Variants in ADAMTS7 observed in about 807,000 individuals in gnomAD.
ADAMTS7 encodes the protein A disintegrin and metalloproteinase with thrombospondin motifs 7.
Under a neutral mutation model 172.6 loss-of-function variants are expected in ADAMTS7, and 89 were observed. The observed-to-expected ratio is 0.52, with a 90% CI of 0.43 to 0.61. The LOEUF is 0.61. Among genes scored for constraint, ADAMTS7 ranks in the 20% least tolerant of loss-of-function variants. The pLI is 0.00. For missense variants in ADAMTS7, 1,973 were observed against 2,355.6 expected, an observed-to-expected ratio of 0.84 and a Z score of 3.36; for synonymous variants, 885 against 978.4, an observed-to-expected ratio of 0.90 and a Z score of 1.78.
intron 8 of ADAMTS7, among the ~76,000 whole-genome samples, chr15:78,785,211 G>T (rs1352291654): frequency 6.6e-6 from 1 of 152,046 alleles, no homozygotes; most frequent in Non-Finnish European, 1.5e-5. Flanking sequence ...GGAAGGCCTG[G>T]AGAAGCAATG....
chr15:78,788,100 G>A lies in ADAMTS7; in HGVS notation c.1322+131C>T, dbSNP rs1206990975. 2.3e-6 allele frequency: 3 copies of A among 1,277,870 alleles called. No individual in the cohort carries two copies. The East Asian group carries it at 7.1e-5, about 30-fold the overall frequency. 79.2% of individuals were successfully genotyped at this position (1,277,870 alleles called of 1,614,324 possible). A position where few individuals can be genotyped will look rare whatever the true frequency, so the allele number is the denominator to read the frequency against. On this transcript the variant is annotated intron_variant, in intron 8 of 23. Coordinates refer to ENST00000388820, the MANE Select transcript of ADAMTS7 (RefSeq NM_014272.5). ...GTCTGCATCACCCCCATTAGACCTTGACCTCATGTATCAAGATCTTGCCCC... is the reference window on the plus strand; with the variant it reads ...GTCTGCATCACCCCCATTAGACCTTAACCTCATGTATCAAGATCTTGCCCC...
chr15:78,797,932 G>C lies in ADAMTS7; in HGVS notation c.622+16C>G, dbSNP rs745384442. On this transcript the variant is annotated intron_variant, in intron 3 of 23. Coordinates refer to ENST00000388820, the MANE Select transcript of ADAMTS7 (RefSeq NM_014272.5). ...GGCCCAGCACCCACCCGAGAACTGG[G>C]AGCAGAAGAGCATACCTTGCACTCC... The C allele has an allele frequency of 8.2e-6, 13 of 1,592,106 alleles. No homozygotes were observed. The highest frequency in any genetic ancestry group is 1.1e-5 in the Non-Finnish European group (13 of 1,173,338).
In ADAMTS7 at chr15:78,766,854, A is replaced by C. The variant is rs2055164390; in HGVS notation, c.3057T>G (p.Ala1019=). 1 of 1,609,958 alleles carries C rather than the reference A, an allele frequency of 6.2e-7. No homozygotes were observed. Among genetic ancestry groups the C allele is most frequent in the South Asian group, 1.1e-5 (1 of 90,938 alleles). ...GSSSHELFNE[A]DFIPHHLAPR... is the part of the protein sequence containing the mutation. Reference sequence around the variant, plus strand: ...GGGCCAGGTGGTGCGGGATGAAGTCAGCCTCGTTGAAGAGCTCGTGGCTGG... The same window carrying C: ...GGGCCAGGTGGTGCGGGATGAAGTCCGCCTCGTTGAAGAGCTCGTGGCTGG... Residue 1019 remains alanine, a synonymous_variant, in exon 19 of 24, where the codon GCT becomes GCG. Transcript: ENST00000388820.
chr15:78,807,227 T>C (rs1310524736), intron 1 of ADAMTS7, among the ~76,000 whole-genome samples: 3 of 152,164 alleles, frequency 2.0e-5, no homozygotes, highest in African/African-American at 7.2e-5. Context: ...TAGGCAAGTT[T>C]TGTCCTCAAA....
Position 78,767,255 on chromosome 15 carries a change from G to A in ADAMTS7, c.2859+124C>T, listed in dbSNP as rs1229550509. ...TGATCCCTGAGGCTTTAGAGTCAGG[G>A]GCTGGACCCTGGAATGCCCAGGTTC... On this transcript the variant is annotated intron_variant, in intron 18 of 23. Coordinates refer to ENST00000388820, the MANE Select transcript of ADAMTS7 (RefSeq NM_014272.5). The A allele has an allele frequency of 5.3e-6, 7 of 1,316,234 alleles. No individual in the cohort carries two copies. In the East Asian group the frequency reaches 1.8e-4, roughly 33 times the overall value. The allele number at this position is 1,316,234 out of a possible 1,614,324, so 81.5% of individuals were successfully genotyped here.
In ADAMTS7 at chr15:78,759,558, A is replaced by G. The variant is rs141722858; in HGVS notation, c.4924T>C (p.Ser1642Pro). The G allele has an allele frequency of 2.5e-6, 4 of 1,591,624 alleles. No homozygotes were observed. Among genetic ancestry groups the G allele is most frequent in the Non-Finnish European group, 3.4e-6 (4 of 1,174,782 alleles). Residue 1642 changes from serine (S) to proline (P), a missense_variant, in exon 24 of 24, where the codon TCC (serine) becomes CCC (proline). Physicochemically the swap from Ser to Pro is moderately conservative, Grantham distance 74 (BLOSUM62 -1). Coordinates refer to ENST00000388820, the MANE Select transcript of ADAMTS7 (RefSeq NM_014272.5). The part of the protein sequence containing the change: ...EPPRCERDRL[S>P]FGFCETLRLL... ...CGCAGCGTCTCGCAGAACCCGAAGG[A>G]CAGGCGGTCCCGCTCACAGCCTGGA...
Position 78,796,709 on chromosome 15 carries a change from G to A in ADAMTS7, c.700C>T (p.His234Tyr), listed in dbSNP as rs2055649454. The A allele has an allele frequency of 1.9e-6, 3 of 1,613,486 alleles. No homozygotes were observed. The highest frequency in any genetic ancestry group is 1.1e-5 in the South Asian group (1 of 91,086). The change falls in exon 4 of 24, where the codon CAC becomes TAC. Residue 234 changes from histidine (H) to tyrosine (Y), a missense_variant. Physicochemically the swap from His to Tyr is moderately conservative, Grantham distance 83. Around this residue, in one of 8 missense-constraint regions of ADAMTS7, gnomAD observed 526 missense variants for 662.9 expected, o/e 0.79. Coordinates refer to ENST00000388820, the MANE Select transcript of ADAMTS7 (RefSeq NM_014272.5). ...TTCTCTTTGCTGACCGACCGCTGGT[G>A]TAGACGCCTCAGCCGTGGCCGCCGC... is the stretch of plus-strand genomic sequence containing the variant. The part of the protein sequence containing the change: ...QWRRPRLRRL[H>Y]QRSVSKEKWV...
At chr15:78,778,017 C>T (rs1211913070) in intron 8 of ADAMTS7, among the ~76,000 whole-genome samples, 2 of 152,238 alleles carry the variant, frequency 1.3e-5, no homozygotes, top group African/African-American at 4.8e-5. Flanking sequence ...GACGGCCCCA[C>T]CCAGGCAGAG....
chr15:78,792,388 G>A (rs935062442), intron 4 of ADAMTS7, among the ~76,000 whole-genome samples: 17 of 152,104 alleles, frequency 1.1e-4, no homozygotes, highest in Non-Finnish European at 2.2e-4. Context: ...GGTCTCCTAC[G>A]AGTGTCCCCA....
chr15:78,763,704 C>A lies in ADAMTS7; in HGVS notation c.4735G>T (p.Gly1579Cys). 1 of 1,537,584 alleles carries A rather than the reference C, an allele frequency of 6.5e-7. No homozygotes were observed. Among genetic ancestry groups the A allele is most frequent in the Non-Finnish European group, 8.7e-7 (1 of 1,145,776 alleles). The change falls in exon 22 of 24, where the codon GGC (glycine) becomes TGC (cysteine). Residue 1579 changes from glycine to cysteine, a missense_variant. Gly to Cys is a radical substitution (Grantham distance 159). Coordinates refer to ENST00000388820, the MANE Select transcript of ADAMTS7 (RefSeq NM_014272.5). ...PCTQWVVGPW[G>C]QCSGPCGGGV... ...CTCCCCGCAGCCCGGCTCACCTGGC[C>A]CCAGGGCCCCACCACCCACTGCGTG...
At chr15:78,794,039 G>A (rs2055613746) in intron 4 of ADAMTS7, among the ~76,000 whole-genome samples, 1 of 152,168 alleles carries the variant, frequency 6.6e-6, no homozygotes, top group Non-Finnish European at 1.5e-5. Context: ...GAGGCGGGCA[G>A]AATAGCCTGG....
At chr15:78,804,317 T>A (rs2055762003) in intron 1 of ADAMTS7, among the ~76,000 whole-genome samples, 4 of 152,128 alleles carry the variant, frequency 2.6e-5, no homozygotes, top group Admixed American at 2.6e-4. Flanking sequence ...GTGCCGGGGG[T>A]TGGGGGAGCT....
At chr15:78,769,997 A>G (rs531159580) in intron 16 of ADAMTS7, among the ~76,000 whole-genome samples, 20 of 152,128 alleles carry the variant, frequency 1.3e-4, no homozygotes, top group Non-Finnish European at 2.6e-4. Flanking sequence ...CCCCATCTCT[A>G]CTAATAATAA....
chr15:78,779,235 C>T (rs1461975788), intron 8 of ADAMTS7, among the ~76,000 whole-genome samples: 1 of 152,194 alleles, frequency 6.6e-6, no homozygotes, highest in Non-Finnish European at 1.5e-5. Context: ...TGGATGCAGT[C>T]CTAGTGCCCA....
chr15:78,769,586 G>C (rs1353993672), intron 16 of ADAMTS7, among the ~76,000 whole-genome samples: 2 of 152,184 alleles, frequency 1.3e-5, no homozygotes, highest in Non-Finnish European at 2.9e-5. Context: ...CTGGAAGGGA[G>C]GACACCATCT....
At position 78,762,466 on chromosome 15, in the gene ADAMTS7, C is replaced by T. The variant is rs746004446; in HGVS notation, c.4840G>A (p.Glu1614Lys). The T allele has an allele frequency of 1.9e-5, 30 of 1,581,080 alleles. No individual in the cohort carries two copies. The highest frequency in any genetic ancestry group is 4.1e-5 in the African/African-American group (3 of 73,164). Residue 1614 changes from glutamate (E) to lysine (K), a missense_variant, in exon 23 of 24, where the codon GAG (glutamate) becomes AAG (lysine). Transcript: ENST00000388820. ...PEEDSDQCGH[E>K]AWPESSRPCG... The stretch of plus-strand genomic sequence containing the variant: ...GGCCGGGAGCTCTCAGGCCAGGCCT[C>T]GTGGCCACACTGGTCACTGTCTTCC...
intron 1 of ADAMTS7, among the ~76,000 whole-genome samples, chr15:78,802,225 T>G (rs560026759): frequency 6.6e-6 from 1 of 152,356 alleles, no homozygotes. Context: ...CTCTGTAGAA[T>G]GCAGATAACC....
At position 78,771,956 on chromosome 15, in the gene ADAMTS7, C is replaced by T. The variant is rs2055258619; in HGVS notation, c.2132-127G>A. 7.2e-7 allele frequency: 1 copy of T among 1,383,156 alleles called. No homozygotes were observed. Among genetic ancestry groups the T allele is most frequent in the Non-Finnish European group, 9.7e-7 (1 of 1,034,228 alleles). The allele number at this position is 1,383,156 out of a possible 1,614,324, so 85.7% of individuals were successfully genotyped here. On this transcript the variant is annotated intron_variant, in intron 14 of 23. Coordinates refer to ENST00000388820, the MANE Select transcript of ADAMTS7 (RefSeq NM_014272.5). This position sits in a 1 kb window ranked among gnomAD's most constrained non-coding sequence, Gnocchi z 4.9. ...TGCCAAAGCTTTAAAGTCTGAGCTCCCTAAATTGCTCGGATCTGTCATGGG... is the reference window on the plus strand; with the variant it reads ...TGCCAAAGCTTTAAAGTCTGAGCTCTCTAAATTGCTCGGATCTGTCATGGG...
At chr15:78,763,067 C>CTG (rs1596169989) in intron 22 of ADAMTS7, among the ~76,000 whole-genome samples, 2 of 152,216 alleles carry the variant, frequency 1.3e-5, no homozygotes, top group African/African-American at 4.8e-5. Flanking sequence ...CAGTGTCATG[C>CTG]TGTGCCCGGC....
Sources: gnomAD v4.1 joint callset for allele counts (sites outside exome capture counted in the v4.1 genomes callset) on GRCh38, gnomAD v4.1.1 for gene constraint, gnomAD v4.1.1 regional missense constraint, Gnocchi (gnomAD v3.1) non-coding constraint, MANE v1.5 for transcripts, NCBI Gene and HGNC (gene_info 2026-07-23, HGNC 2026-07-21) for gene names.